PTPRD: variants seen among roughly 807,000 people sequenced by gnomAD.
PTPRD encodes receptor-type tyrosine-protein phosphatase delta.
In PTPRD, 34 loss-of-function variants were observed where a neutral mutation model predicts 214.5. That is an observed-to-expected ratio of 0.16 (90% CI 0.12 to 0.21). The LOEUF (loss-of-function observed/expected upper bound fraction) is 0.21. Ranked by LOEUF, PTPRD falls within the 10% of genes least tolerant of loss-of-function variation. The pLI is 1.00. For synonymous variants in PTPRD, 1,128 were observed against 845.7 expected, an observed-to-expected ratio of 1.33 and a Z score of -5.79; for missense variants, 2,545 against 2,398.7, an observed-to-expected ratio of 1.06 and a Z score of -1.27.
intron 3 of PTPRD, among the ~76,000 whole-genome samples, chr9:10,078,970 T>C (rs544993969): frequency 1.2e-4 from 18 of 152,290 alleles, no homozygotes; most frequent in African/African-American, 4.3e-4. Flanking sequence ...CTACTTTCAA[T>C]CGTTAACATG....
intron 3 of PTPRD, among the ~76,000 whole-genome samples, chr9:10,043,769 G>C (rs941297250): frequency 5.3e-5 from 8 of 151,780 alleles, no homozygotes; most frequent in Non-Finnish European, 1.2e-4. Context: ...ATCATCCCTT[G>C]ATTATTTCAT....
intron 20 of PTPRD, among the ~76,000 whole-genome samples, chr9:8,519,304 T>C (rs1420770729): frequency 6.6e-6 from 1 of 152,228 alleles, no homozygotes; most frequent in Non-Finnish European, 1.5e-5. Flanking sequence ...TTTAGAGGTC[T>C]AATTCTTTCT....
chr9:9,396,859 A>G (rs2068032622), intron 9 of PTPRD, among the ~76,000 whole-genome samples: 1 of 152,030 alleles, frequency 6.6e-6, no homozygotes, highest in Admixed American at 6.6e-5. Flanking sequence ...CCAGTTTACC[A>G]GTACTGTGAA....
intron 11 of PTPRD, among the ~76,000 whole-genome samples, chr9:8,833,579 C>T (rs552290201): frequency 6.7e-5 from 10 of 149,616 alleles, no homozygotes; most frequent in African/African-American, 2.5e-4. Flanking sequence ...CTATGTATGA[C>T]CTGGTCCATT....
chr9:8,830,799 G>C (rs1490283913), intron 11 of PTPRD, among the ~76,000 whole-genome samples: 1 of 152,164 alleles, frequency 6.6e-6, no homozygotes, highest in African/African-American at 2.4e-5. Context: ...GGGCATACGT[G>C]ATGGTGAAAT....
At chr9:8,849,151 T>G (rs1336835867) in intron 11 of PTPRD, among the ~76,000 whole-genome samples, 1 of 151,048 alleles carries the variant, frequency 6.6e-6, no homozygotes, top group Non-Finnish European at 1.5e-5. Flanking sequence ...TGGTTTCAAT[T>G]CTACTCAACT....
intron 8 of PTPRD, among the ~76,000 whole-genome samples, chr9:9,522,392 A>C (rs900182392): frequency 6.6e-6 from 1 of 152,172 alleles, no homozygotes; most frequent in African/African-American, 2.4e-5. Context: ...AAAGGGAACT[A>C]TCTGGACATA....
intron 7 of PTPRD, among the ~76,000 whole-genome samples, chr9:9,659,048 G>T (rs932304120): frequency 2.6e-5 from 4 of 152,092 alleles, no homozygotes; most frequent in Admixed American, 1.3e-4. Context: ...ACTTTGGAAA[G>T]ATGAGAATGA....
chr9:10,156,945 T>C (rs1469409965), intron 3 of PTPRD, among the ~76,000 whole-genome samples: 3 of 152,212 alleles, frequency 2.0e-5, no homozygotes, highest in Admixed American at 6.5e-5. Flanking sequence ...GAAACTAGGA[T>C]TGCAACTTCT....
At chr9:9,152,600 G>C (rs1010676805) in intron 10 of PTPRD, among the ~76,000 whole-genome samples, 11 of 152,290 alleles carry the variant, frequency 7.2e-5, no homozygotes, top group Admixed American at 2.0e-4. Flanking sequence ...GGGTGGTGGA[G>C]GTAGGGCTAT....
At chr9:9,624,103 C>T (rs1369121007) in intron 7 of PTPRD, among the ~76,000 whole-genome samples, 1 of 152,132 alleles carries the variant, frequency 6.6e-6, no homozygotes, top group South Asian at 2.1e-4. Flanking sequence ...CCTTATGTAA[C>T]TATGGTTATG....
At chr9:9,814,795 CTT>C (rs34270280) in intron 5 of PTPRD, among the ~76,000 whole-genome samples, 25,556 of 106,070 alleles carry the variant, frequency 0.24, 4,356 homozygotes, top group African/African-American at 0.54. Flanking sequence ...ACCAAAGTGA[CTT>C]TTTTTTTTTT....
In PTPRD at chr9:9,877,727, C is replaced by A. The variant is rs192606950; in HGVS notation, c.-368+60780G>T. On this transcript the variant is annotated intron_variant, in intron 5 of 45. Coordinates refer to ENST00000381196, the MANE Select transcript of PTPRD (RefSeq NM_002839.4). The stretch of plus-strand genomic sequence containing the variant: ...CAGTGGCTCACGCCTGTAATCCCAG[C>A]ACTTTGGGAGGACGAGGCAGGCAGA... 7.2e-5 allele frequency among the ~76,000 whole-genome samples: 11 copies of A among 152,168 alleles called. No individual in the cohort carries two copies. In the East Asian group the frequency reaches 1.9e-3, roughly 27 times the overall value.
At chr9:8,962,538 A>AAG (rs34968070) in intron 11 of PTPRD, among the ~76,000 whole-genome samples, 75,656 of 149,692 alleles carry the variant, frequency 0.51, 20,412 homozygotes, top group East Asian at 0.64. Context: ...AGAAGAGAGA[A>AAG]AGAGAGAGAG....
intron 11 of PTPRD, among the ~76,000 whole-genome samples, chr9:8,831,177 G>C (rs535347188): frequency 1.3e-5 from 2 of 152,030 alleles, no homozygotes; most frequent in African/African-American, 2.4e-5. Context: ...GGAGGGTTGC[G>C]GAATGGTTTT....
chr9:10,339,419 T>G (rs2096900202), intron 3 of PTPRD, among the ~76,000 whole-genome samples: 1 of 151,616 alleles, frequency 6.6e-6, no homozygotes, highest in Non-Finnish European at 1.5e-5. Context: ...TCATCTGAAG[T>G]GCAAATTTAA....
chr9:8,582,148 G>C (rs892283061), intron 14 of PTPRD, among the ~76,000 whole-genome samples: 3 of 152,090 alleles, frequency 2.0e-5, no homozygotes, highest in Non-Finnish European at 4.4e-5. Context: ...TCTGCTATGA[G>C]ACAGAGGCAG....
At chr9:9,088,607 A>AAAAAAAAAAAAAAAAG in intron 10 of PTPRD, among the ~76,000 whole-genome samples, 1 of 148,574 alleles carries the variant, frequency 6.7e-6, no homozygotes, top group Non-Finnish European at 1.5e-5. Context: ...AAAAAAAAAA[A>AAAAAAAAAAAAAAAAG]AAGAAGTCTG....
chr9:8,753,535 C>G (rs2093713910), intron 11 of PTPRD, among the ~76,000 whole-genome samples: 1 of 152,086 alleles, frequency 6.6e-6, no homozygotes, highest in Admixed American at 6.5e-5. Flanking sequence ...TTGTATGTGC[C>G]TCTCCTTAAA....
Sources: gnomAD v4.1 joint callset for allele counts (sites outside exome capture counted in the v4.1 genomes callset) on GRCh38, gnomAD v4.1.1 for gene constraint, MANE v1.5 for transcripts, NCBI Gene and HGNC (gene_info 2026-07-23, HGNC 2026-07-21) for gene names.